Variants in TBC1D13 observed in about 807,000 individuals in gnomAD.
TBC1D13 encodes epididymis secretory sperm binding protein.
Under a neutral mutation model 53.6 loss-of-function variants are expected in TBC1D13, and 40 were observed. That is an observed-to-expected ratio of 0.75 (90% CI 0.58 to 0.97). The LOEUF (loss-of-function observed/expected upper bound fraction) is 0.97. Ranked by LOEUF, TBC1D13 falls within the 50% of genes least tolerant of loss-of-function variation. TBC1D13 has a pLI of 0.00. For missense variants in TBC1D13, 377 were observed against 499.4 expected (o/e 0.75, Z 2.34); for synonymous variants, 182 against 197.7 (o/e 0.92, Z 0.67).
chr9:128,804,163 G>A, intron 9 of TBC1D13, 44 bp downstream of exon 9: 1 of 1,600,320 alleles, frequency 6.2e-7, no homozygotes. Context: ...ACAGGAGGCA[G>A]AGAGTTGCTG....
intron 1 of TBC1D13, among the ~76,000 whole-genome samples, 192 bp downstream of exon 1, chr9:128,787,568 C>G (rs1034647155): frequency 2.6e-5 from 4 of 152,098 alleles, no homozygotes; most frequent in African/African-American, 9.7e-5. Flanking sequence ...TTCTCCTGCC[C>G]CTGATGTCAC....
Position 128,807,987 on chromosome 9 carries a change from G to A in TBC1D13, c.*108G>A, listed in dbSNP as rs75073186. On this transcript the variant is annotated 3_prime_UTR_variant, in exon 12 of 12. Coordinates refer to ENST00000372648, the MANE Select transcript of TBC1D13 (RefSeq NM_018201.5). ...AACCCAGCCTGAGGGGAAGCCACAG[G>A]ATCGGCCCGAGACCCAGGCCATGCC... 4.4e-4 allele frequency: 480 copies of A among 1,096,562 alleles called. 4 individuals carry two copies. The East Asian group carries it at 0.012, about 27-fold the overall frequency. 67.9% of individuals were successfully genotyped at this position (1,096,562 alleles called of 1,614,324 possible).
chr9:128,794,176 G>T (rs1478833480), intron 6 of TBC1D13, among the ~76,000 whole-genome samples: 1 of 152,204 alleles, frequency 6.6e-6, no homozygotes, highest in African/African-American at 2.4e-5. Context: ...CAGCACATGA[G>T]AGTGCCCTGT....
chr9:128,803,192 C>A, intron 7 of TBC1D13, 58 bp from the exon 8 acceptor site: 1 of 1,520,404 alleles, frequency 6.6e-7, no homozygotes, highest in Admixed American at 1.7e-5. Context: ...GGATTTCAGG[C>A]ATGAGCCACT....
chr9:128,803,198 C>T, intron 7 of TBC1D13, 52 bp from the exon 8 acceptor site: 1 of 1,547,202 alleles, frequency 6.5e-7, no homozygotes, highest in Non-Finnish European at 8.9e-7. Flanking sequence ...CAGGCATGAG[C>T]CACTGACCCC....
At position 128,791,627 on chromosome 9, in the gene TBC1D13, C is replaced by T. The variant is rs746991109; in HGVS notation, c.234C>T (p.Ile78=). Residue 78 remains isoleucine, a synonymous_variant, in exon 5 of 12, where the codon ATC becomes ATT. Transcript: ENST00000372648. The part of the protein sequence containing the change: ...ELYAQFLREM[I]IQPGIAKANM... ...ATGCCCAGTTCCTGAGGGAAATGATCATCCAGCCTGGCATTGCCAAGGCCA... is the reference window on the plus strand; with the variant it reads ...ATGCCCAGTTCCTGAGGGAAATGATTATCCAGCCTGGCATTGCCAAGGCCA... 87 of 1,614,078 alleles carry T rather than the reference C, an allele frequency of 5.4e-5. No homozygotes were observed. The highest frequency in any genetic ancestry group is 7.2e-5 in the Non-Finnish European group (85 of 1,180,048).
At chr9:128,801,222 A>G (rs915756623) in intron 7 of TBC1D13, among the ~76,000 whole-genome samples, 3 of 151,908 alleles carry the variant, frequency 2.0e-5, no homozygotes, top group Non-Finnish European at 2.9e-5. Context: ...ATCTGGGAAG[A>G]TTAACCATGA....
chr9:128,800,481 G>A (rs1044223284), intron 7 of TBC1D13, among the ~76,000 whole-genome samples: 18 of 142,036 alleles, frequency 1.3e-4, no homozygotes, highest in African/African-American at 3.6e-4. Context: ...AGCAATTCTC[G>A]TGCCTTAGCC....
At chr9:128,806,172 A>T in intron 10 of TBC1D13, 82 bp from the exon 11 acceptor site, 1 of 1,606,682 alleles carries the variant, frequency 6.2e-7, no homozygotes, top group South Asian at 1.1e-5. Flanking sequence ...ACCAAACTTG[A>T]GGTGGGTAGG....
At chr9:128,789,686 C>A (rs1012442394) in intron 2 of TBC1D13, among the ~76,000 whole-genome samples, 3 of 151,706 alleles carry the variant, frequency 2.0e-5, no homozygotes, top group African/African-American at 7.3e-5. Context: ...TATGGAATAT[C>A]TTCTATGTGC....
In TBC1D13 at chr9:128,794,537, G is replaced by A. The variant is rs374057621; in HGVS notation, c.383+1963G>A. On this transcript the variant is annotated intron_variant, in intron 6 of 11. Coordinates refer to ENST00000372648, the MANE Select transcript of TBC1D13 (RefSeq NM_018201.5). ...GTCACCCAGGCTGGAGTGCAGTGGT[G>A]CAATCTCGGCTCACTGCAACATCCG... Among the ~76,000 whole-genome samples, 34 of 145,948 alleles carry A rather than the reference G, an allele frequency of 2.3e-4. No homozygotes were observed. The East Asian group carries it at 3.5e-3, about 15-fold the overall frequency.
Position 128,807,948 on chromosome 9 carries a change from T to G in TBC1D13, c.*69T>G. 1.4e-6 allele frequency: 2 copies of G among 1,469,188 alleles called. No homozygotes were observed. Among genetic ancestry groups the G allele is most frequent in the Non-Finnish European group, 1.9e-6 (2 of 1,052,998 alleles). 91.0% of individuals were successfully genotyped at this position (1,469,188 alleles called of 1,614,324 possible). The stretch of plus-strand genomic sequence containing the variant: ...CCTGTGCCCTGGCTCCCGGGACACA[T>G]AGAAACCTGTAGGAACCCAGCCTGA... On this transcript the variant is annotated 3_prime_UTR_variant, in exon 12 of 12. Coordinates refer to ENST00000372648, the MANE Select transcript of TBC1D13 (RefSeq NM_018201.5).
chr9:128,803,502 G>A (rs369241029), intron 8 of TBC1D13, 42 bp downstream of exon 8: 54 of 1,585,992 alleles, frequency 3.4e-5, no homozygotes, highest in Admixed American at 6.7e-5. Flanking sequence ...TTGCTGGCCC[G>A]TGTCAGGCTG....
chr9:128,796,968 T>C, intron 6 of TBC1D13, 87 bp from the exon 7 acceptor site: 2 of 1,431,974 alleles, frequency 1.4e-6, no homozygotes, highest in South Asian at 2.5e-5. Flanking sequence ...AACAATGCTT[T>C]TGGGGAGTCT....
At chr9:128,790,257 CAAAAA>C (rs10658153) in intron 2 of TBC1D13, among the ~76,000 whole-genome samples, 2 of 107,952 alleles carry the variant, frequency 1.9e-5, no homozygotes, top group Admixed American at 1.1e-4. Flanking sequence ...ACTTTGTCTC[CAAAAA>C]AAAAAAAAAA....
intron 6 of TBC1D13, among the ~76,000 whole-genome samples, chr9:128,794,963 A>G (rs537095630): frequency 7.2e-5 from 11 of 151,788 alleles, no homozygotes; most frequent in African/African-American, 2.7e-4. Flanking sequence ...TTTCCAGTTC[A>G]GCTGTATAAT....
chr9:128,805,743 A>C, intron 9 of TBC1D13, 116 bp from the exon 10 acceptor site: 5 of 1,202,094 alleles, frequency 4.2e-6, no homozygotes, highest in Non-Finnish European at 5.7e-6. Context: ...CCTGGTGCTC[A>C]CACCTGGCAT....
chr9:128,799,163 T>A (rs985951848), intron 7 of TBC1D13, among the ~76,000 whole-genome samples: 2 of 152,204 alleles, frequency 1.3e-5, no homozygotes, highest in African/African-American at 4.8e-5. Context: ...TTGTGGGCAG[T>A]ACTCTTGGCT....
chr9:128,790,852 G>C, intron 3 of TBC1D13, 77 bp downstream of exon 3: 1 of 1,450,350 alleles, frequency 6.9e-7, no homozygotes, highest in Non-Finnish European at 9.3e-7. Context: ...CCTACCCCTG[G>C]CTTCTTCCTC....
Sources: allele counts gnomAD v4.1 joint callset (sites outside exome capture counted in the v4.1 genomes callset), GRCh38; gene constraint gnomAD v4.1.1; transcripts MANE v1.5; gene names NCBI Gene and HGNC (gene_info 2026-07-23, HGNC 2026-07-21).